The following DIAPH2 variants were observed in gnomAD, a reference collection of about 807,000 sequenced individuals.
DIAPH2 encodes diaphanous related formin 2, also known as protein diaphanous homolog 2.
DIAPH2 carries 35 observed loss-of-function variants against 92.7 expected under a neutral mutation model. The ratio of observed to expected loss-of-function variants is 0.38; its 90% CI spans 0.29 to 0.50. The LOEUF (loss-of-function observed/expected upper bound fraction) is 0.50. Among genes scored for constraint, DIAPH2 ranks in the 20% least tolerant of loss-of-function variants. DIAPH2 has a pLI of 0.94. For missense variants in DIAPH2, 701 were observed against 819.5 expected (o/e 0.86, Z 1.77); for synonymous variants, 301 against 280.4 (o/e 1.07, Z -0.73).
intron 26 of DIAPH2, among the ~76,000 whole-genome samples, chrX:97,440,514 C>A (rs1298675423): frequency 1.9e-5 from 2 of 107,235 alleles, no homozygotes; most frequent in African/African-American, 6.8e-5. Flanking sequence ...ATCGCTTGAA[C>A]CCGGGAGGTG....
At chrX:96,952,386 A>T (rs1363601616) in intron 15 of DIAPH2, among the ~76,000 whole-genome samples, 2 of 112,035 alleles carry the variant, frequency 1.8e-5, no homozygotes, top group Non-Finnish European at 3.8e-5. Context: ...ATATTTTTGT[A>T]AATAGGTCAG....
At chrX:97,531,785 A>C (rs1335538205) in intron 26 of DIAPH2, among the ~76,000 whole-genome samples, 1 of 112,289 alleles carries the variant, frequency 8.9e-6, no homozygotes, top group Non-Finnish European at 1.9e-5. Flanking sequence ...AGATGGCCAA[A>C]TGTAATTAAC....
At chrX:96,790,237 T>A (rs1238012339) in intron 4 of DIAPH2, among the ~76,000 whole-genome samples, 1 of 109,540 alleles carries the variant, frequency 9.1e-6, no homozygotes, top group East Asian at 2.8e-4. Flanking sequence ...GCCCAGCTAA[T>A]TTTTTGTATT....
intron 4 of DIAPH2, among the ~76,000 whole-genome samples, chrX:96,777,678 A>G (rs1227546740): frequency 1.8e-5 from 2 of 111,929 alleles, no homozygotes; most frequent in African/African-American, 6.5e-5. Context: ...GTGTGTGAGT[A>G]CACAAATGCA....
At chrX:97,199,635 A>G (rs952861757) in intron 22 of DIAPH2, among the ~76,000 whole-genome samples, 1 of 111,511 alleles carries the variant, frequency 9.0e-6, no homozygotes. Flanking sequence ...CCATATACCA[A>G]CTGCTGTTTT....
intron 22 of DIAPH2, among the ~76,000 whole-genome samples, chrX:97,142,904 T>G (rs1427817945): frequency 9.0e-6 from 1 of 111,489 alleles, no homozygotes. Flanking sequence ...TTAAAAATAG[T>G]GAATCTATAA....
chrX:97,147,086 G>C (rs181793536), intron 22 of DIAPH2, among the ~76,000 whole-genome samples: 2 of 111,536 alleles, frequency 1.8e-5, no homozygotes, highest in African/African-American at 6.5e-5. Flanking sequence ...AGGGAAGAGA[G>C]AGTATATCAC....
chrX:96,689,243 C>G (rs968845733), intron 1 of DIAPH2, among the ~76,000 whole-genome samples: 1 of 100,774 alleles, frequency 9.9e-6, no homozygotes, highest in African/African-American at 3.7e-5. Context: ...AGAAAAGAGA[C>G]GGGGTCCGGA....
intron 4 of DIAPH2, among the ~76,000 whole-genome samples, chrX:96,794,521 C>CA (rs57508608): frequency 0.026 from 2,079 of 81,268 alleles, 56 homozygotes; most frequent in African/African-American, 0.077. Context: ...ATTAAATTGC[C>CA]AAAAAAAAAA....
chrX:97,483,315 T>C lies in DIAPH2; in HGVS notation c.3241+53570T>C, dbSNP rs746807264. Among the ~76,000 whole-genome samples the C allele has an allele frequency of 3.6e-5, 4 of 111,044 alleles. No individual in the cohort carries two copies. In the South Asian group the frequency reaches 1.5e-3, roughly 43 times the overall value. ...GTAATAATGAAGCTTGTCCTTAGAT[T>C]TGTGAGTAGAGGTTGGTGTTCAGCC... On this transcript the variant is annotated intron_variant, in intron 26 of 26. Coordinates refer to ENST00000324765, the MANE Select transcript of DIAPH2 (RefSeq NM_006729.5).
chrX:97,065,946 A>T (rs1280904492), intron 17 of DIAPH2, among the ~76,000 whole-genome samples: 1 of 112,478 alleles, frequency 8.9e-6, no homozygotes, highest in East Asian at 2.8e-4. Flanking sequence ...GAAAACGCTT[A>T]CAGAATAAGG....
intron 26 of DIAPH2, among the ~76,000 whole-genome samples, chrX:97,584,664 C>T (rs1250408891): frequency 8.9e-6 from 1 of 111,768 alleles, no homozygotes; most frequent in African/African-American, 3.3e-5. Context: ...TGGTAGAGAG[C>T]AACTCTCAAA....
intron 26 of DIAPH2, among the ~76,000 whole-genome samples, chrX:97,476,686 G>C (rs1314088745): frequency 9.2e-6 from 1 of 108,886 alleles, no homozygotes; most frequent in Non-Finnish European, 1.9e-5. Context: ...ATGGCCGGGC[G>C]CCGTGGCTCA....
At chrX:97,189,981 A>T (rs2067639498) in intron 22 of DIAPH2, among the ~76,000 whole-genome samples, 1 of 113,351 alleles carries the variant, frequency 8.8e-6, no homozygotes, top group South Asian at 3.6e-4. Flanking sequence ...TTGGCTCAGG[A>T]GAAAAACTCT....
intron 23 of DIAPH2, among the ~76,000 whole-genome samples, chrX:97,345,697 G>A (rs1233705288): frequency 1.8e-5 from 2 of 111,701 alleles, no homozygotes; most frequent in African/African-American, 6.5e-5. Context: ...TTTTACTTCT[G>A]TGATCATTAT....
At chrX:97,505,161 A>G (rs2070823810) in intron 26 of DIAPH2, among the ~76,000 whole-genome samples, 1 of 112,182 alleles carries the variant, frequency 8.9e-6, no homozygotes, top group Non-Finnish European at 1.9e-5. Flanking sequence ...TGATTCCTAC[A>G]TTGCAGAGCA....
rs539257226 is a variant in DIAPH2, at chrX:96,948,430, A to G, written c.1510-505A>G. On this transcript the variant is annotated intron_variant, in intron 14 of 26. Transcript: ENST00000324765. ...TCTACTAAAAATACAAAAATTAGCC[A>G]GGTGTGGTGGTGCGCACCTGTAATC... 8.1e-5 allele frequency among the ~76,000 whole-genome samples: 9 copies of G among 110,498 alleles called. No homozygotes were observed. In the Admixed American group the frequency reaches 8.7e-4, roughly 11 times the overall value.
At chrX:97,597,069 G>A (rs978391525) in intron 26 of DIAPH2, among the ~76,000 whole-genome samples, 7 of 111,977 alleles carry the variant, frequency 6.3e-5, no homozygotes, top group Admixed American at 9.5e-5. Context: ...TTTCATAAAC[G>A]TTGTAGGTTG....
At chrX:97,545,058 C>A (rs184980087) in intron 26 of DIAPH2, among the ~76,000 whole-genome samples, 1 of 110,281 alleles carries the variant, frequency 9.1e-6, no homozygotes, top group East Asian at 2.9e-4. Context: ...TGTATATTTT[C>A]CCCTACTCCT....
Sources: gnomAD v4.1 joint callset for allele counts (sites outside exome capture counted in the v4.1 genomes callset) on GRCh38, gnomAD v4.1.1 for gene constraint, MANE v1.5 for transcripts, NCBI Gene and HGNC (gene_info 2026-07-23, HGNC 2026-07-21) for gene names.